The following MICAL2 variants were observed in gnomAD, a reference collection of about 807,000 sequenced individuals.
The protein encoded by MICAL2 is microtubule associated monooxygenase, calponin and LIM domain containing 2, also known as [F-actin]-monooxygenase MICAL2.
In MICAL2, 77 loss-of-function variants were observed where a neutral mutation model predicts 127.3. The ratio of observed to expected loss-of-function variants is 0.60; its 90% CI spans 0.50 to 0.73. The LOEUF is 0.73. MICAL2 is among the 30% of genes least tolerant of loss of function. The pLI is 0.00. For missense variants in MICAL2, 1,351 were observed against 1,434.4 expected (o/e 0.94, Z 0.94); for synonymous variants, 570 against 551.1 (o/e 1.03, Z -0.48).
intron 2 of MICAL2, among the ~76,000 whole-genome samples, chr11:12,140,321 C>A (rs1051717252): frequency 6.6e-6 from 1 of 152,150 alleles, no homozygotes; most frequent in Admixed American, 6.5e-5. Context: ...CTTAGGCAGG[C>A]GGTAGCCTGC....
intron 2 of MICAL2, among the ~76,000 whole-genome samples, chr11:12,147,493 G>C (rs1359523904): frequency 1.3e-5 from 2 of 152,200 alleles, no homozygotes; most frequent in Non-Finnish European, 2.9e-5. Flanking sequence ...TACCAACTGA[G>C]AACCCAGAGC....
intron 32 of MICAL2, among the ~76,000 whole-genome samples, chr11:12,341,831 A>G (rs12222860): frequency 0.22 from 33,122 of 149,868 alleles, 4,227 homozygotes; most frequent in African/African-American, 0.33. Flanking sequence ...TTTCTCAAAA[A>G]GAAAAGAAAA....
chr11:12,243,013 A>T lies in MICAL2; in HGVS notation c.2658+241A>T, dbSNP rs1462135376. On this transcript the variant is annotated intron_variant, in intron 20 of 27. Coordinates refer to ENST00000683283, the MANE Select transcript of MICAL2 (RefSeq NM_001282663.2). Reference sequence around the variant, plus strand: ...AACTAAGACAGGAAAGTAAACACAGATCGAGAAAGGCATTACTATAAGAAG... The same window carrying T: ...AACTAAGACAGGAAAGTAAACACAGTTCGAGAAAGGCATTACTATAAGAAG... 1.3e-5 allele frequency: 5 copies of T among 378,588 alleles called. No homozygotes were observed. The Admixed American group carries it at 1.5e-4, about 11-fold the overall frequency. The allele number at this position is 378,588 out of a possible 1,614,324, so 23.5% of individuals were successfully genotyped here.
intron 6 of MICAL2, 132 bp from the exon 7 acceptor site, chr11:12,213,123 T>C: frequency 9.5e-7 from 1 of 1,049,510 alleles, no homozygotes; most frequent in Non-Finnish European, 1.4e-6. Flanking sequence ...TGCCCGCTCC[T>C]GTCCACTAGA....
rs377516602 is a variant in MICAL2, at chr11:12,354,754, T to C, written c.5616-30T>C. ...AATGTTTCCTCACAAATCTATAGTA[T>C]TCATAAAATTTGAACATTTTCTCAC... is the stretch of plus-strand genomic sequence containing the variant. On this transcript the variant is annotated intron_variant, in intron 33 of 34. Transcript: ENST00000646065. 1.4e-4 allele frequency: 228 copies of C among 1,595,212 alleles called. 3 individuals are homozygous for C. The highest frequency in any genetic ancestry group is 2.7e-5 in the African/African-American group (2 of 74,636).
intron 15 of MICAL2, 41 bp downstream of exon 15, chr11:12,227,172 A>G (rs1857586805): frequency 1.4e-6 from 2 of 1,380,398 alleles, no homozygotes; most frequent in African/African-American, 1.4e-5. Context: ...CCCATTGCAC[A>G]TGGACGGGGT....
chr11:12,300,409 T>G (rs1409831599), intron 29 of MICAL2, among the ~76,000 whole-genome samples: 1 of 127,038 alleles, frequency 7.9e-6, no homozygotes, highest in Non-Finnish European at 1.6e-5. Flanking sequence ...CCCAAAACAA[T>G]TCACTTTGAG....
chr11:12,142,550 G>C (rs140996059), intron 2 of MICAL2, among the ~76,000 whole-genome samples: 40 of 152,306 alleles, frequency 2.6e-4, no homozygotes, highest in African/African-American at 8.7e-4. Flanking sequence ...GTCAGAGACT[G>C]GCCATCCCAG....
chr11:12,335,136 A>C (rs1938725225), intron 32 of MICAL2, among the ~76,000 whole-genome samples: 1 of 145,776 alleles, frequency 6.9e-6, no homozygotes, highest in Non-Finnish European at 1.5e-5. Flanking sequence ...TTTTTTAATG[A>C]TTGCCGTTCT....
chr11:12,210,196 C>T (rs988781583), intron 6 of MICAL2, among the ~76,000 whole-genome samples: 5 of 152,220 alleles, frequency 3.3e-5, no homozygotes, highest in African/African-American at 4.8e-5. Context: ...TAGTATCTTT[C>T]GTGGGGTAAG....
At chr11:12,130,494 C>T (rs537178909) in intron 1 of MICAL2, among the ~76,000 whole-genome samples, 1 of 152,286 alleles carries the variant, frequency 6.6e-6, no homozygotes, top group African/African-American at 2.4e-5. Flanking sequence ...TCAAAGTCAG[C>T]CCTTAATTCA....
chr11:12,258,574 A>G lies in MICAL2; in HGVS notation c.3231+18A>G, dbSNP rs781497281. 10 of 1,607,504 alleles carry G rather than the reference A, an allele frequency of 6.2e-6. No homozygotes were observed. In the East Asian group the frequency reaches 8.9e-5, roughly 14 times the overall value. ...AAAGAGAGGTATGTTTGTCTCAAACATGCTGGTGAAACGGGGAAGGCCCCT... is the reference window on the plus strand; with the variant it reads ...AAAGAGAGGTATGTTTGTCTCAAACGTGCTGGTGAAACGGGGAAGGCCCCT... On this transcript the variant is annotated intron_variant, in intron 25 of 27. Coordinates refer to ENST00000683283, the MANE Select transcript of MICAL2 (RefSeq NM_001282663.2).
intron 2 of MICAL2, among the ~76,000 whole-genome samples, chr11:12,159,726 TAA>T (rs1178782214): frequency 1.3e-5 from 2 of 152,230 alleles, no homozygotes; most frequent in East Asian, 3.8e-4. Flanking sequence ...CAAAGATAGA[TAA>T]AGACTGAGAA....
intron 2 of MICAL2, 56 bp from the exon 3 acceptor site, chr11:12,162,023 C>A (rs1467096831): frequency 2.5e-6 from 3 of 1,223,668 alleles, no homozygotes; most frequent in East Asian, 4.8e-5. Context: ...CAGCACCCAT[C>A]CCCCACCCTA....
intron 31 of MICAL2, among the ~76,000 whole-genome samples, chr11:12,326,028 A>T (rs181529189): frequency 4.9e-4 from 74 of 152,294 alleles, no homozygotes; most frequent in African/African-American, 1.7e-3. Flanking sequence ...TTATGTTGGG[A>T]CTTAAGCACT....
intron 8 of MICAL2, among the ~76,000 whole-genome samples, chr11:12,217,648 G>A (rs78107520): frequency 0.015 from 2,251 of 152,258 alleles, 27 homozygotes; most frequent in South Asian, 0.038. Flanking sequence ...TGGGTTTTGT[G>A]TTTTGCAGAG....
intron 32 of MICAL2, among the ~76,000 whole-genome samples, chr11:12,344,307 A>G: frequency 6.6e-6 from 1 of 152,088 alleles, no homozygotes; most frequent in Non-Finnish European, 1.5e-5. Context: ...AAAAAACAAA[A>G]CAAAACAAAA....
In MICAL2 at chr11:12,221,768, T is replaced by G. The variant is rs1035035956; in HGVS notation, c.1322+9T>G. ...GAGCTGCTGGCTGAAAGGTGAGCTT[T>G]GACAGTAGGGCTCCTAACTGGGGGG... On this transcript the variant is annotated intron_variant, in intron 10 of 27. Transcript: ENST00000683283. 2 of 1,609,550 alleles carry G rather than the reference T, an allele frequency of 1.2e-6. No homozygotes were observed. Among genetic ancestry groups the G allele is most frequent in the African/African-American group, 2.7e-5 (2 of 74,774 alleles).
intron 20 of MICAL2, chr11:12,243,046 C>T (rs1038020175): frequency 4.2e-5 from 12 of 286,638 alleles, no homozygotes; most frequent in Admixed American, 1.7e-4. Flanking sequence ...AAGCACAAGC[C>T]GGTAGACCCT....
Sources: allele counts gnomAD v4.1 joint callset (sites outside exome capture counted in the v4.1 genomes callset), GRCh38; gene constraint gnomAD v4.1.1; transcripts MANE v1.5; gene names NCBI Gene and HGNC (gene_info 2026-07-23, HGNC 2026-07-21).